MMP2: variants seen among roughly 807,000 people sequenced by gnomAD.
The protein encoded by MMP2 is 72 kDa type IV collagenase.
In MMP2, 39 loss-of-function variants were observed where a neutral mutation model predicts 74.8. That is an observed-to-expected ratio of 0.52 (90% CI 0.40 to 0.68). MMP2 has a LOEUF of 0.68. Among genes scored for constraint, MMP2 ranks in the 30% least tolerant of loss-of-function variants. The pLI is 0.00. For missense variants in MMP2, 803 were observed against 878.3 expected (o/e 0.91, Z 1.08); for synonymous variants, 367 against 339.8 (o/e 1.08, Z -0.88).
rs776710534 is a variant in MMP2, at chr16:55,488,560, G to C, written c.850G>C (p.Gly284Arg). 1 of 1,613,816 alleles carries C rather than the reference G, an allele frequency of 6.2e-7. No homozygotes were observed. The change falls in exon 6 of 13, where the codon GGC (glycine) becomes CGC (arginine). Residue 284 changes from glycine (G) to arginine (R), a missense_variant. Physicochemically the swap from Gly to Arg is moderately radical, Grantham distance 125. Around this residue, in one of 3 missense-constraint regions of MMP2, gnomAD observed 555 missense variants for 592.0 expected, o/e 0.94. Transcript: ENST00000219070. Reference sequence around the variant, plus strand: ...ACCCTTAGCCCTGTTCACCATGGGCGGCAACGCTGAAGGACAGCCCTGCAA... The same window carrying C: ...ACCCTTAGCCCTGTTCACCATGGGCCGCAACGCTGAAGGACAGCCCTGCAA... ...CPHEALFTMG[G>R]NAEGQPCKFP...
chr16:55,499,760 A>G (rs1015802463), intron 11 of MMP2, among the ~76,000 whole-genome samples: 1 of 152,190 alleles, frequency 6.6e-6, no homozygotes, highest in African/African-American at 2.4e-5. Flanking sequence ...CTTCTCTTGT[A>G]TTCTAACTGA....
At chr16:55,500,727 T>C (rs1962649336) in intron 11 of MMP2, among the ~76,000 whole-genome samples, 1 of 152,226 alleles carries the variant, frequency 6.6e-6, no homozygotes, top group African/African-American at 2.4e-5. Flanking sequence ...CTGGGCTGGC[T>C]TCCAAAGGAG....
chr16:55,497,167 C>T, intron 10 of MMP2, 105 bp downstream of exon 10: 2 of 1,466,002 alleles, frequency 1.4e-6, no homozygotes, highest in Non-Finnish European at 1.9e-6. Flanking sequence ...AGTTCCTATG[C>T]ACCCGTGGGT....
At chr16:55,483,906 T>C (rs1962170911) in intron 2 of MMP2, 110 bp from the exon 3 acceptor site, 4 of 1,158,914 alleles carry the variant, frequency 3.5e-6, no homozygotes, top group South Asian at 1.3e-5. Flanking sequence ...TATGTTCACA[T>C]ACACACACAC....
intron 12 of MMP2, among the ~76,000 whole-genome samples, chr16:55,503,142 G>A (rs549508022): frequency 6.6e-6 from 1 of 152,332 alleles, no homozygotes; most frequent in Non-Finnish European, 1.5e-5. Flanking sequence ...GCAGGGGAGG[G>A]CGGAAGGCCT....
chr16:55,483,463 C>T (rs1410340722), intron 2 of MMP2, among the ~76,000 whole-genome samples: 2 of 151,610 alleles, frequency 1.3e-5, no homozygotes, highest in Non-Finnish European at 2.9e-5. Context: ...TGATTTTTGA[C>T]ACAGAGCAAG....
At chr16:55,505,152 T>A (rs1962767735) in intron 12 of MMP2, among the ~76,000 whole-genome samples, 187 bp from the exon 13 acceptor site, 1 of 151,892 alleles carries the variant, frequency 6.6e-6, no homozygotes, top group Non-Finnish European at 1.5e-5. Context: ...TGGGGGTCTC[T>A]CTATGCTGCC....
chr16:55,506,680 T>C lies in MMP2; in HGVS notation c.*1238T>C, dbSNP rs1242954040. The C allele has an allele frequency of 6.6e-6, 1 of 152,148 alleles. No individual in the cohort carries two copies. Among genetic ancestry groups the C allele is most frequent in the Non-Finnish European group, 1.5e-5 (1 of 68,022 alleles). 9.4% of individuals were successfully genotyped at this position (152,148 alleles called of 1,614,324 possible). ...AAAGGCCATTATTAGTTGAATCTTA[T>C]TGATGAAGAGACTGATGGCTCAAGA... On this transcript the variant is annotated 3_prime_UTR_variant, in exon 13 of 13. Transcript: ENST00000219070.
At chr16:55,503,534 T>TA (rs1284946534) in intron 12 of MMP2, among the ~76,000 whole-genome samples, 1 of 151,768 alleles carries the variant, frequency 6.6e-6, no homozygotes, top group African/African-American at 2.4e-5. Flanking sequence ...TACTGTATGC[T>TA]AAGCACAGGC....
rs1311481735 is a variant in MMP2, at chr16:55,496,954, GA to G, written c.1502del (p.Asp501AlafsTer56). The G allele has an allele frequency of 1.2e-6, 2 of 1,614,034 alleles. No homozygotes were observed. The highest frequency in any genetic ancestry group is 1.7e-6 in the Non-Finnish European group (2 of 1,180,052). On this transcript the variant is annotated frameshift_variant, in exon 10 of 13. Coordinates refer to ENST00000219070, the MANE Select transcript of MMP2 (RefSeq NM_004530.6). LOFTEE classifies it high-confidence loss of function. Reference protein sequence around the residue: ...RFIWRTVTPRDKPMGPLLVAT... With the variant: ...RFIWRTVTPRXKPMGPLLVAT... ...CATTTGGCGGACTGTGACGCCACGTGACAAGCCCATGGGGCCCCTGCTGGTG... is the reference window on the plus strand; with the variant it reads ...CATTTGGCGGACTGTGACGCCACGTGCAAGCCCATGGGGCCCCTGCTGGTG...
Position 55,484,047 on chromosome 16 carries a change from G to A in MMP2, c.412G>A (p.Glu138Lys). ...TGGCTACACACCTGATCTGGACCCA[G>A]AGACAGTGGATGATGCCTTTGCTCG... ...IIGYTPDLDPETVDDAFARAF... is the reference protein window; with the variant it reads ...IIGYTPDLDPKTVDDAFARAF... The change falls in exon 3 of 13, where the codon GAG becomes AAG. Residue 138 changes from glutamate (E) to lysine (K), a missense_variant. Physicochemically the swap from Glu to Lys is moderately conservative, Grantham distance 56. This residue lies in a region of MMP2 where 223 missense variants were observed against 232.8 expected (regional missense o/e 0.96). Transcript: ENST00000219070. 1 of 1,614,196 alleles carries A rather than the reference G, an allele frequency of 6.2e-7. No individual in the cohort carries two copies. The highest frequency in any genetic ancestry group is 1.1e-5 in the South Asian group (1 of 91,086).
At chr16:55,502,979 A>G in intron 12 of MMP2, 91 bp downstream of exon 12, 1 of 1,045,228 alleles carries the variant, frequency 9.6e-7, no homozygotes, top group South Asian at 1.3e-5. Context: ...TTTATTGTGC[A>G]GGGCAGGCAG....
In MMP2 at chr16:55,491,858, A is replaced by C. The variant is rs1374360537; in HGVS notation, c.1238A>C (p.His413Pro). ...TTTGGCCACGCCATGGGGCTGGAGCACTCCCAAGACCCTGGGGCCCTGATG... is the reference window on the plus strand; with the variant it reads ...TTTGGCCACGCCATGGGGCTGGAGCCCTCCCAAGACCCTGGGGCCCTGATG... The part of the protein sequence containing the change: ...HEFGHAMGLE[H>P]SQDPGALMAP... Residue 413 changes from histidine (H) to proline (P), a missense_variant, in exon 8 of 13, where the codon CAC becomes CCC. Physicochemically the swap from His to Pro is moderately conservative, Grantham distance 77 (BLOSUM62 -2). This residue lies in a region of MMP2 where 555 missense variants were observed against 592.0 expected (regional missense o/e 0.94). Transcript: ENST00000219070. 1.2e-6 allele frequency: 2 copies of C among 1,614,060 alleles called. No homozygotes were observed. The highest frequency in any genetic ancestry group is 1.7e-6 in the Non-Finnish European group (2 of 1,180,016).
In MMP2 at chr16:55,485,779, T is replaced by A; in HGVS notation, c.832+2T>A. On this transcript the variant is annotated splice_donor_variant, in intron 5 of 12. Transcript: ENST00000219070. LOFTEE classifies it high-confidence loss of function. ...AGTACGGCTTCTGTCCCCATGAAGG[T>A]GAGCATCCACTCTAGTCCCCAAGAC... is the stretch of plus-strand genomic sequence containing the variant. 6.2e-7 allele frequency: 1 copy of A among 1,613,118 alleles called. No individual in the cohort carries two copies. The highest frequency in any genetic ancestry group is 1.3e-5 in the African/African-American group (1 of 75,024).
chr16:55,485,554 C>T, intron 4 of MMP2, 50 bp from the exon 5 acceptor site: 1 of 1,612,722 alleles, frequency 6.2e-7, no homozygotes, highest in Non-Finnish European at 8.5e-7. Context: ...TCTTGGTCTC[C>T]AAAGAAGGCC....
chr16:55,479,536 C>G lies in MMP2; in HGVS notation c.57C>G (p.Leu19=). 2 of 1,610,774 alleles carry G rather than the reference C, an allele frequency of 1.2e-6. No homozygotes were observed. Among genetic ancestry groups the G allele is most frequent in the Non-Finnish European group, 8.5e-7 (1 of 1,179,018 alleles). ...ALTGPLRALC[L]LGCLLSHAAA... is the part of the protein sequence containing the mutation. ...CGGGTCCCCTGAGGGCGCTCTGTCTCCTGGGCTGCCTGCTGAGCCACGCCG... is the reference window on the plus strand; with the variant it reads ...CGGGTCCCCTGAGGGCGCTCTGTCTGCTGGGCTGCCTGCTGAGCCACGCCG... Residue 19 remains leucine (L), a synonymous_variant, in exon 1 of 13, where the codon CTC becomes CTG. Coordinates refer to ENST00000219070, the MANE Select transcript of MMP2 (RefSeq NM_004530.6).
intron 7 of MMP2, among the ~76,000 whole-genome samples, chr16:55,491,552 T>C (rs1000214241): frequency 2.6e-5 from 4 of 152,124 alleles, no homozygotes; most frequent in African/African-American, 9.7e-5. Context: ...CCTGTCCTGA[T>C]ACTGACTTGG....
chr16:55,497,992 A>G (rs1334335353), intron 10 of MMP2, among the ~76,000 whole-genome samples: 1 of 152,128 alleles, frequency 6.6e-6, no homozygotes, highest in African/African-American at 2.4e-5. Flanking sequence ...CCTTTTTGCA[A>G]ATTAGCAAAA....
Position 55,484,121 on chromosome 16 carries a change from C to A in MMP2, c.486C>A (p.Ile162=), listed in dbSNP as rs1384075877. 5.6e-6 allele frequency: 9 copies of A among 1,614,050 alleles called. No homozygotes were observed. Among genetic ancestry groups the A allele is most frequent in the Non-Finnish European group, 7.6e-6 (9 of 1,180,050 alleles). Residue 162 remains isoleucine, a synonymous_variant, in exon 3 of 13, where the codon ATC becomes ATA. Coordinates refer to ENST00000219070, the MANE Select transcript of MMP2 (RefSeq NM_004530.6). ...TGACCCCACTGCGGTTTTCTCGAAT[C>A]CATGATGGAGAGGCAGACATCATGA... is the stretch of plus-strand genomic sequence containing the variant. ...SDVTPLRFSR[I]HDGEADIMIN... is the part of the protein sequence containing the mutation.
Sources: gnomAD v4.1 joint callset for allele counts (sites outside exome capture counted in the v4.1 genomes callset) on GRCh38, gnomAD v4.1.1 for gene constraint, gnomAD v4.1.1 regional missense constraint, MANE v1.5 for transcripts, NCBI Gene and HGNC (gene_info 2026-07-23, HGNC 2026-07-21) for gene names.